The following DR1 variants were observed in gnomAD, a reference collection of about 807,000 sequenced individuals.
The protein encoded by DR1 is down-regulator of transcription 1.
In DR1, 7 loss-of-function variants were observed where a neutral mutation model predicts 19.9. The observed-to-expected ratio is 0.35, with a 90% CI of 0.20 to 0.66. DR1 has a LOEUF of 0.66. Ranked by LOEUF, DR1 falls within the 30% of genes least tolerant of loss-of-function variation. The pLI, the probability that DR1 is intolerant of heterozygous loss-of-function variation, is 0.66. For missense variants in DR1, 98 were observed against 203.7 expected (o/e 0.48, Z 3.16); for synonymous variants, 76 against 72.5 (o/e 1.05, Z -0.24).
chr1:93,353,125 A>T (rs1466165184), intron 1 of DR1, among the ~76,000 whole-genome samples: 1 of 151,922 alleles, frequency 6.6e-6, no homozygotes, highest in African/African-American at 2.4e-5. Context: ...GAACTCCTGG[A>T]CTAAAGGGAT....
intron 2 of DR1, chr1:93,354,877 C>T (rs1365790621): frequency 1.3e-5 from 2 of 152,108 alleles, no homozygotes; most frequent in African/African-American, 4.8e-5. Context: ...ACCATTTAAA[C>T]AAGATAAAAA....
chr1:93,364,851 C>CTTTTTTTTTTTT lies in DR1; in HGVS notation c.*4221_*4232dup, dbSNP rs1185414953. ...TTTTCTTTTTTCTTTTCTTTTCTTT[C>CTTTTTTTTTTTT]TTTTTTTTTTTTTTTTTTTTGAGAC... On this transcript the variant is annotated 3_prime_UTR_variant, in exon 3 of 3. Transcript: ENST00000370272. 6 of 100,658 alleles carry CTTTTTTTTTTTT rather than the reference C, an allele frequency of 6.0e-5. No individual in the cohort carries two copies. Among genetic ancestry groups the CTTTTTTTTTTTT allele is most frequent in the Admixed American group, 1.2e-4 (1 of 8,444 alleles). The allele number at this position is 100,658 out of a possible 1,614,324, so 6.2% of individuals were successfully genotyped here. A position where few individuals can be genotyped will look rare whatever the true frequency, so the allele number is the denominator to read the frequency against.
rs1667090857 is a variant in DR1 at position 93,364,110 on chromosome 1, G to A, written c.*3471G>A. On this transcript the variant is annotated 3_prime_UTR_variant, in exon 3 of 3. Coordinates refer to ENST00000370272, the MANE Select transcript of DR1 (RefSeq NM_001938.3). Reference sequence around the variant, plus strand: ...GACTGTAAGAAGGCACCATTTTAATGTGTAGCATAAAAATGAATTACGCTA... The same window carrying A: ...GACTGTAAGAAGGCACCATTTTAATATGTAGCATAAAAATGAATTACGCTA... 6.6e-6 allele frequency: 1 copy of A among 152,156 alleles called. No homozygotes were observed. Among genetic ancestry groups the A allele is most frequent in the Non-Finnish European group, 1.5e-5 (1 of 68,024 alleles). The allele number at this position is 152,156 out of a possible 1,614,324, so 9.4% of individuals were successfully genotyped here. A position where few individuals can be genotyped will look rare whatever the true frequency, so the allele number is the denominator to read the frequency against.
chr1:93,359,458 T>G (rs1292146388), intron 2 of DR1, among the ~76,000 whole-genome samples: 2 of 152,160 alleles, frequency 1.3e-5, no homozygotes, highest in Non-Finnish European at 2.9e-5. Flanking sequence ...TTATGGTATA[T>G]TAAATAGAGC....
chr1:93,346,937 T>G, intron 1 of DR1, 72 bp downstream of exon 1: 1 of 1,326,326 alleles, frequency 7.5e-7, no homozygotes, highest in Non-Finnish European at 1.1e-6. Flanking sequence ...GACCCTTTCG[T>G]GTCAAAGCCT....
chr1:93,351,436 C>CTTTTTTTTTT (rs397862048), intron 1 of DR1, among the ~76,000 whole-genome samples: 1 of 103,842 alleles, frequency 9.6e-6, no homozygotes, highest in Non-Finnish European at 1.9e-5. Context: ...GATTTTCTTT[C>CTTTTTTTTTT]TTTTTTTTTT....
rs1251571093 is a variant in DR1, at chr1:93,363,278, TCATA to T, written c.*2644_*2647del. 1 of 152,218 alleles carries T rather than the reference TCATA, an allele frequency of 6.6e-6. No homozygotes were observed. Among genetic ancestry groups the T allele is most frequent in the Admixed American group, 6.5e-5 (1 of 15,280 alleles). 9.4% of individuals were successfully genotyped at this position (152,218 alleles called of 1,614,324 possible). A position where few individuals can be genotyped will look rare whatever the true frequency, so the allele number is the denominator to read the frequency against. ...TGTTTTTTATTTTATGTAAATGTAA[TCATA>T]CATAATACACTTTTTTTCATTCATC... On this transcript the variant is annotated 3_prime_UTR_variant, in exon 3 of 3. Transcript: ENST00000370272.
In DR1 at chr1:93,364,662, G is replaced by A. The variant is rs943225464; in HGVS notation, c.*4023G>A. On this transcript the variant is annotated 3_prime_UTR_variant, in exon 3 of 3. Coordinates refer to ENST00000370272, the MANE Select transcript of DR1 (RefSeq NM_001938.3). ...GATATAAAGTGTCATGGTTAGGATC[G>A]GCCAGGGTGAAGAGAATGATAACAT... The A allele has an allele frequency of 3.3e-5, 5 of 152,170 alleles. No homozygotes were observed. The South Asian group carries it at 6.2e-4, about 19-fold the overall frequency. The allele number at this position is 152,170 out of a possible 1,614,324, so 9.4% of individuals were successfully genotyped here.
intron 1 of DR1, among the ~76,000 whole-genome samples, chr1:93,347,575 A>G (rs1666868131): frequency 6.6e-6 from 1 of 152,044 alleles, no homozygotes; most frequent in African/African-American, 2.4e-5. Flanking sequence ...TTTGATTGAA[A>G]GTTTATGCAA....
At chr1:93,346,931 C>G in intron 1 of DR1, 66 bp downstream of exon 1, 2 of 1,397,438 alleles carry the variant, frequency 1.4e-6, no homozygotes, top group South Asian at 2.5e-5. Context: ...TCGCGTGACC[C>G]TTTCGTGTCA....
rs1273978931 is a variant in DR1 at position 93,365,177 on chromosome 1, GCAGTGGCTAGATTA to G, written c.*4544_*4557del. ...CGGCCTATGTTTCTTAATATAGATT[GCAGTGGCTAGATTA>G]CAGTGACTATTCACAGGCATAATCA... is the stretch of plus-strand genomic sequence containing the variant. On this transcript the variant is annotated 3_prime_UTR_variant, in exon 3 of 3. Transcript: ENST00000370272. 6.6e-6 allele frequency: 1 copy of G among 152,100 alleles called. No homozygotes were observed. The highest frequency in any genetic ancestry group is 1.9e-4 in the East Asian group (1 of 5,190). 9.4% of individuals were successfully genotyped at this position (152,100 alleles called of 1,614,324 possible).
Position 93,361,895 on chromosome 1 carries a change from A to G in DR1, c.*1256A>G, listed in dbSNP as rs1185137106. 6.6e-6 allele frequency: 1 copy of G among 152,484 alleles called. No homozygotes were observed. The highest frequency in any genetic ancestry group is 2.4e-5 in the African/African-American group (1 of 41,454). 9.4% of individuals were successfully genotyped at this position (152,484 alleles called of 1,614,324 possible). On this transcript the variant is annotated 3_prime_UTR_variant, in exon 3 of 3. Coordinates refer to ENST00000370272, the MANE Select transcript of DR1 (RefSeq NM_001938.3). ...TTGGTTCTAATAAATACAGTATGGT[A>G]GTGTTTATAGGAATCCAGGATGTTG...
intron 1 of DR1, among the ~76,000 whole-genome samples, chr1:93,350,960 A>G (rs1666906963): frequency 6.6e-6 from 1 of 152,216 alleles, no homozygotes; most frequent in Non-Finnish European, 1.5e-5. Flanking sequence ...ATCACAGTAA[A>G]CATACGAATT....
chr1:93,351,436 CTTTTTTTTTTTT>C (rs397862048), intron 1 of DR1, among the ~76,000 whole-genome samples: 4 of 103,844 alleles, frequency 3.9e-5, no homozygotes, highest in East Asian at 2.8e-4. Flanking sequence ...GATTTTCTTT[CTTTTTTTTTTTT>C]TTTTTTTTTT....
rs186140649 is a variant in DR1, at chr1:93,368,106, A to C, written c.*7467A>C. 6.6e-6 allele frequency: 1 copy of C among 152,196 alleles called. No homozygotes were observed. Among genetic ancestry groups the C allele is most frequent in the Non-Finnish European group, 1.5e-5 (1 of 68,040 alleles). The allele number at this position is 152,196 out of a possible 1,614,324, so 9.4% of individuals were successfully genotyped here. A position where few individuals can be genotyped will look rare whatever the true frequency, so the allele number is the denominator to read the frequency against. On this transcript the variant is annotated 3_prime_UTR_variant, in exon 3 of 3. Coordinates refer to ENST00000370272, the MANE Select transcript of DR1 (RefSeq NM_001938.3). ...ACTCTTTTTGTAATAGTTTTTTTAC[A>C]TATGTTATTTCATTTGTTTATTTCC...
At chr1:93,354,435 A>C (rs1666954732) in intron 2 of DR1, among the ~76,000 whole-genome samples, 1 of 152,198 alleles carries the variant, frequency 6.6e-6, no homozygotes, top group South Asian at 2.1e-4. Flanking sequence ...AAATCTGATT[A>C]ATATCAACTG....
At position 93,346,770 on chromosome 1, in the gene DR1, G is replaced by A; in HGVS notation, c.125G>A (p.Cys42Tyr). The A allele has an allele frequency of 6.2e-7, 1 of 1,614,148 alleles. No homozygotes were observed. Among genetic ancestry groups the A allele is most frequent in the Non-Finnish European group, 8.5e-7 (1 of 1,180,024 alleles). Residue 42 changes from cysteine (C) to tyrosine (Y), a missense_variant, in exon 1 of 3, where the codon TGC becomes TAC. Transcript: ENST00000370272. ...ANDARELVVN[C>Y]CTEFIHLISS... ...GATGCTCGAGAGCTGGTGGTGAACT[G>A]CTGCACTGAATTCATTCACCTTATA...
chr1:93,350,642 ACTT>A (rs1341111875), intron 1 of DR1, among the ~76,000 whole-genome samples: 3 of 152,026 alleles, frequency 2.0e-5, no homozygotes. Context: ...AGAAATTTTT[ACTT>A]CTTTTTTGTT....
rs116377421 is a variant in DR1 at position 93,358,442 on chromosome 1, A to T, written c.385-2051A>T. 5.9e-3 allele frequency among the ~76,000 whole-genome samples: 901 copies of T among 152,266 alleles called. 9 individuals carry two copies. The highest frequency in any genetic ancestry group is 0.012 in the African/African-American group (487 of 41,544). ...AACACTTCTTCACCCTGGTTGCATC[A>T]GTTTTCCTGTAGCAGAGACTGAACG... On this transcript the variant is annotated intron_variant, in intron 2 of 2. Coordinates refer to ENST00000370272, the MANE Select transcript of DR1 (RefSeq NM_001938.3).
Sources: allele counts gnomAD v4.1 joint callset (sites outside exome capture counted in the v4.1 genomes callset), GRCh38; gene constraint gnomAD v4.1.1; transcripts MANE v1.5; gene names NCBI Gene and HGNC (gene_info 2026-07-23, HGNC 2026-07-21).